Variants in DAB1 observed in about 807,000 individuals in gnomAD.
The protein encoded by DAB1 is DAB adaptor protein 1, also known as disabled homolog 1.
In DAB1, 15 loss-of-function variants were observed where a neutral mutation model predicts 64.6. That is an observed-to-expected ratio of 0.23 (90% confidence interval 0.16 to 0.36). DAB1 has a LOEUF of 0.36. Ranked by LOEUF, DAB1 falls within the 10% of genes least tolerant of loss-of-function variation. The probability of loss-of-function intolerance (pLI) is 1.00; values close to 1 mark genes in which losing one functional copy is unlikely to be tolerated. For missense variants in DAB1, 596 were observed against 706.7 expected (o/e 0.84, Z 1.78); for synonymous variants, 235 against 251.9 (o/e 0.93, Z 0.64).
intron 3 of DAB1, among the ~76,000 whole-genome samples, chr1:58,391,558 C>T (rs1438020834): frequency 6.6e-6 from 1 of 152,194 alleles, no homozygotes; most frequent in Non-Finnish European, 1.5e-5. Flanking sequence ...CATTCCAACC[C>T]CTTGGCTTTT....
In DAB1 at chr1:57,439,423, T is replaced by TTTTTTTTGTTTTTTTTTGTTTTTTG. The variant is rs1558381316; in HGVS notation, n.626-148258_626-148257insCAAAAAACAAAAAAAAACAAAAAAA. On this transcript the variant is annotated intron_variant and non_coding_transcript_variant, in intron 7 of 20. Coordinates refer to the DAB1 transcript ENST00000485760. The stretch of plus-strand genomic sequence containing the variant: ...GCCATCAACTTGGTGATGAGGTTTT[T>TTTTTTTTGTTTTTTTTTGTTTTTTG]TCTTTTTTTTTTTTTTTTTTTTTTG... Among the ~76,000 whole-genome samples, 21 of 117,196 alleles carry TTTTTTTTGTTTTTTTTTGTTTTTTG rather than the reference T, an allele frequency of 1.8e-4. 1 individual carries two copies. The East Asian group carries it at 2.4e-3, about 13-fold the overall frequency. The allele number at this position is 117,196 out of a possible 152,430, so 76.9% of individuals were successfully genotyped here. A position where few individuals can be genotyped will look rare whatever the true frequency, so the allele number is the denominator to read the frequency against.
At chr1:57,870,544 T>A (rs1643928154) in intron 1 of DAB1, among the ~76,000 whole-genome samples, 1 of 152,184 alleles carries the variant, frequency 6.6e-6, no homozygotes, top group African/African-American at 2.4e-5. Flanking sequence ...AGTTTTCTCA[T>A]CTGCAATATG....
chr1:57,220,932 A>G (rs1666816856), intron 2 of DAB1, among the ~76,000 whole-genome samples: 2 of 152,230 alleles, frequency 1.3e-5, no homozygotes, highest in African/African-American at 4.8e-5. Context: ...ATGCTGCTAT[A>G]AAGACACATG....
chr1:57,203,158 C>T (rs1296581433), intron 2 of DAB1, among the ~76,000 whole-genome samples: 1 of 152,138 alleles, frequency 6.6e-6, no homozygotes, highest in Non-Finnish European at 1.5e-5. Context: ...TTAGCCACAG[C>T]CATACAGGAT....
chr1:58,196,119 G>C (rs1466164272), intron 4 of DAB1, among the ~76,000 whole-genome samples: 1 of 152,160 alleles, frequency 6.6e-6, no homozygotes. Context: ...CAGAGGAACT[G>C]AGTTGAATCT....
chr1:57,473,289 G>C (rs1687205637), intron 7 of DAB1, among the ~76,000 whole-genome samples: 1 of 152,192 alleles, frequency 6.6e-6, no homozygotes, highest in African/African-American at 2.4e-5. Flanking sequence ...GGCAGTGCCA[G>C]GGCTGGACAC....
At chr1:57,242,439 G>A (rs1668562594) in intron 2 of DAB1, among the ~76,000 whole-genome samples, 1 of 152,124 alleles carries the variant, frequency 6.6e-6, no homozygotes, top group African/African-American at 2.4e-5. Context: ...AAATACACAT[G>A]GGGTGCCTGC....
At chr1:57,312,311 C>A (rs527820327) in intron 1 of DAB1, among the ~76,000 whole-genome samples, 7 of 151,214 alleles carry the variant, frequency 4.6e-5, no homozygotes, top group Non-Finnish European at 1.0e-4. Context: ...AAGCAGATGC[C>A]GTCTACAATA....
chr1:57,600,348 C>T (rs1451094714), intron 7 of DAB1, among the ~76,000 whole-genome samples: 1 of 152,212 alleles, frequency 6.6e-6, no homozygotes, highest in South Asian at 2.1e-4. Flanking sequence ...TAAAAAATCT[C>T]ACCACTCCAG....
chr1:58,436,554 C>G (rs568907835), intron 3 of DAB1, among the ~76,000 whole-genome samples: 1 of 152,308 alleles, frequency 6.6e-6, no homozygotes, highest in South Asian at 2.1e-4. Flanking sequence ...TTGGCTCCTT[C>G]TTAATGGTCT....
intron 4 of DAB1, among the ~76,000 whole-genome samples, chr1:58,265,536 C>T (rs1661139143): frequency 6.6e-6 from 1 of 152,206 alleles, no homozygotes; most frequent in Non-Finnish European, 1.5e-5. Flanking sequence ...TAATCTAATG[C>T]TCACCCACTT....
chr1:57,940,449 ATAAGT>A (rs998139176), intron 5 of DAB1, among the ~76,000 whole-genome samples: 4 of 152,242 alleles, frequency 2.6e-5, no homozygotes, highest in African/African-American at 9.6e-5. Flanking sequence ...AGAGGTTCAA[ATAAGT>A]TAAGTGCTTT....
At chr1:58,200,421 CT>C (rs1657932612) in intron 4 of DAB1, among the ~76,000 whole-genome samples, 1 of 152,034 alleles carries the variant, frequency 6.6e-6, no homozygotes, top group East Asian at 1.9e-4. Context: ...GCCTTTTTTG[CT>C]CCCTGGTTTA....
At chr1:57,746,173 C>T (rs1648258766) in intron 6 of DAB1, among the ~76,000 whole-genome samples, 2 of 152,114 alleles carry the variant, frequency 1.3e-5, no homozygotes, top group Admixed American at 6.5e-5. Context: ...TGCACATGTC[C>T]ATAATATTCT....
intron 6 of DAB1, among the ~76,000 whole-genome samples, chr1:57,737,576 A>C (rs370246462): frequency 1.6e-4 from 24 of 152,330 alleles, no homozygotes; most frequent in African/African-American, 5.5e-4. Flanking sequence ...TGCTGTGTTA[A>C]GCATCACCTC....
intron 7 of DAB1, among the ~76,000 whole-genome samples, chr1:57,597,355 A>G (rs556120482): frequency 1.3e-5 from 2 of 152,354 alleles, no homozygotes; most frequent in African/African-American, 4.8e-5. Context: ...GGACAGCAAG[A>G]GTCAACCAGG....
chr1:57,581,499 G>A (rs149623185), intron 7 of DAB1, among the ~76,000 whole-genome samples: 5 of 152,088 alleles, frequency 3.3e-5, no homozygotes, highest in African/African-American at 7.2e-5. Context: ...GACTACTTGC[G>A]AGCTGAGTGA....
intron 5 of DAB1, among the ~76,000 whole-genome samples, chr1:58,120,980 G>A (rs993928368): frequency 3.3e-5 from 5 of 152,128 alleles, no homozygotes; most frequent in South Asian, 2.1e-4. Context: ...GTTTCATCTC[G>A]TTAGGTTCAC....
At chr1:58,444,345 A>C (rs1645043266) in intron 3 of DAB1, among the ~76,000 whole-genome samples, 1 of 152,246 alleles carries the variant, frequency 6.6e-6, no homozygotes, top group Non-Finnish European at 1.5e-5. Flanking sequence ...CAACGGTATA[A>C]GGTAGGAATT....
Sources: allele counts gnomAD v4.1 joint callset (sites outside exome capture counted in the v4.1 genomes callset), GRCh38; gene constraint gnomAD v4.1.1; transcripts MANE v1.5; gene names NCBI Gene and HGNC (gene_info 2026-07-23, HGNC 2026-07-21).